The following TANC2 variants were observed in gnomAD, a reference collection of about 807,000 sequenced individuals.
TANC2 encodes tetratricopeptide repeat, ankyrin repeat and coiled-coil containing 2.
Under a neutral mutation model 210.5 loss-of-function variants are expected in TANC2, and 26 were observed. That is an observed-to-expected ratio of 0.12 (90% CI 0.09 to 0.17). The LOEUF (loss-of-function observed/expected upper bound fraction) is 0.17. Among genes scored for constraint, TANC2 ranks in the 10% least tolerant of loss-of-function variants. The pLI, the probability that TANC2 is intolerant of heterozygous loss-of-function variation, is 1.00. For synonymous variants in TANC2, 931 were observed against 967.1 expected, an observed-to-expected ratio of 0.96 and a Z score of 0.69; for missense variants, 2,129 against 2,608.9, an observed-to-expected ratio of 0.82 and a Z score of 4.01.
intron 2 of TANC2, among the ~76,000 whole-genome samples, chr17:63,052,677 A>G (rs2035624120): frequency 6.6e-6 from 1 of 152,224 alleles, no homozygotes; most frequent in South Asian, 2.1e-4. Context: ...AGCAGCCAGC[A>G]TATTCAGGGG....
chr17:62,974,880 A>T (rs1358232278), intron 1 of TANC2, among the ~76,000 whole-genome samples: 1 of 152,180 alleles, frequency 6.6e-6, no homozygotes, highest in Non-Finnish European at 1.5e-5. Context: ...CATAAAGAAA[A>T]GTACGTAAGC....
At chr17:63,155,418 A>T (rs1421584118) in intron 5 of TANC2, among the ~76,000 whole-genome samples, 2 of 152,132 alleles carry the variant, frequency 1.3e-5, no homozygotes, top group Non-Finnish European at 2.9e-5. Flanking sequence ...AATTTTCAGT[A>T]ATCTGATGAC....
chr17:63,071,389 T>A (rs543370660), intron 2 of TANC2, among the ~76,000 whole-genome samples: 30 of 152,126 alleles, frequency 2.0e-4, no homozygotes, highest in Non-Finnish European at 4.1e-4. Flanking sequence ...ATTCCTGGCC[T>A]CAAGCGATCC....
intron 11 of TANC2, among the ~76,000 whole-genome samples, chr17:63,324,392 T>G (rs2045582419): frequency 6.6e-6 from 1 of 152,220 alleles, no homozygotes; most frequent in Non-Finnish European, 1.5e-5. Context: ...CAGTCACTAT[T>G]AAAGCTGTCA....
chr17:63,205,398 A>G (rs1055717048), intron 7 of TANC2, among the ~76,000 whole-genome samples: 3 of 150,784 alleles, frequency 2.0e-5, no homozygotes, highest in Non-Finnish European at 4.4e-5. Flanking sequence ...ACTACAAAAC[A>G]TTGCAGAAGA....
chr17:63,328,403 TG>T, intron 11 of TANC2, among the ~76,000 whole-genome samples: 1 of 151,698 alleles, frequency 6.6e-6, no homozygotes, highest in African/African-American at 2.4e-5. Flanking sequence ...TGTGTGTGTG[TG>T]TGTATTCATT....
chr17:63,065,274 A>T (rs1419689010), intron 2 of TANC2, among the ~76,000 whole-genome samples: 1 of 152,218 alleles, frequency 6.6e-6, no homozygotes, highest in African/African-American at 2.4e-5. Context: ...TCACCCACAC[A>T]TTCACCACAT....
At chr17:63,015,359 G>C (rs1003698617) in intron 2 of TANC2, among the ~76,000 whole-genome samples, 1 of 151,726 alleles carries the variant, frequency 6.6e-6, no homozygotes, top group African/African-American at 2.4e-5. Context: ...GGGTACATGT[G>C]CACAACGTGC....
At chr17:63,166,965 T>A (rs1308573815) in intron 5 of TANC2, among the ~76,000 whole-genome samples, 1 of 151,844 alleles carries the variant, frequency 6.6e-6, no homozygotes, top group African/African-American at 2.4e-5. Context: ...GACAGAAGCT[T>A]AGGTGAGTGG....
chr17:63,296,406 C>T (rs2044537850), intron 9 of TANC2, among the ~76,000 whole-genome samples: 1 of 151,866 alleles, frequency 6.6e-6, no homozygotes, highest in Admixed American at 6.6e-5. Flanking sequence ...AACAGTAGGG[C>T]CAAAATAAGC....
chr17:63,398,887 A>T (rs1423425524), exon 19 of TANC2: 1 of 1,596,948 alleles, frequency 6.3e-7, no homozygotes, highest in African/African-American at 1.3e-5. Flanking sequence ...ACAGATCAAC[A>T]GCTTTGACAG....
At chr17:63,260,688 G>A (rs952627354) in intron 8 of TANC2, among the ~76,000 whole-genome samples, 1 of 151,868 alleles carries the variant, frequency 6.6e-6, no homozygotes, top group Non-Finnish European at 1.5e-5. Context: ...CTTGAACCTG[G>A]GAAGCAGAGG....
chr17:63,337,336 T>C (rs2046065781), intron 11 of TANC2, among the ~76,000 whole-genome samples: 1 of 152,112 alleles, frequency 6.6e-6, no homozygotes, highest in Non-Finnish European at 1.5e-5. Flanking sequence ...GATATCATAT[T>C]TTTTACTATA....
chr17:63,387,094 C>T (rs1413788970), intron 15 of TANC2, among the ~76,000 whole-genome samples: 1 of 152,148 alleles, frequency 6.6e-6, no homozygotes, highest in East Asian at 1.9e-4. Context: ...AAGCAATCCT[C>T]CCACCACCAC....
intron 7 of TANC2, among the ~76,000 whole-genome samples, chr17:63,214,875 T>A (rs1351994174): frequency 6.6e-6 from 1 of 152,178 alleles, no homozygotes; most frequent in East Asian, 1.9e-4. Flanking sequence ...CCTGGGAAGA[T>A]GATGCAATGA....
At chr17:63,054,656 C>T (rs1358233250) in intron 2 of TANC2, among the ~76,000 whole-genome samples, 1 of 151,952 alleles carries the variant, frequency 6.6e-6, no homozygotes, top group African/African-American at 2.4e-5. Context: ...GCTGGGATTA[C>T]AGGCGTGAGC....
At chr17:63,370,271 C>T (rs1213387451) in intron 14 of TANC2, among the ~76,000 whole-genome samples, 11 of 151,588 alleles carry the variant, frequency 7.3e-5, no homozygotes, top group East Asian at 1.9e-4. Flanking sequence ...TTCCGCCTCC[C>T]GGGGTCACGC....
intron 7 of TANC2, among the ~76,000 whole-genome samples, chr17:63,201,930 C>G (rs780212984): frequency 1.3e-5 from 2 of 152,098 alleles, no homozygotes; most frequent in Non-Finnish European, 2.9e-5. Flanking sequence ...CTCAGGAAAT[C>G]TTTCATCATA....
intron 1 of TANC2, among the ~76,000 whole-genome samples, chr17:63,000,639 A>G (rs866188240): frequency 5.9e-5 from 9 of 152,296 alleles, no homozygotes; most frequent in Middle Eastern, 3.4e-3. Context: ...GGGCCTGTCA[A>G]TGGCTTGTTA....
Sources: allele counts gnomAD v4.1 joint callset (sites outside exome capture counted in the v4.1 genomes callset), GRCh38; gene constraint gnomAD v4.1.1; transcripts MANE v1.5; gene names NCBI Gene and HGNC (gene_info 2026-07-23, HGNC 2026-07-21).